The following MYO18A variants were observed in gnomAD, a reference collection of about 807,000 sequenced individuals.
The protein encoded by MYO18A is myosin XVIIIA.
Under a neutral mutation model 235.8 loss-of-function variants are expected in MYO18A, and 78 were observed. That is an observed-to-expected ratio of 0.33 (90% CI 0.28 to 0.40). MYO18A has a LOEUF of 0.40. MYO18A is among the 10% of genes least tolerant of loss of function. The pLI, the probability that MYO18A is intolerant of heterozygous loss-of-function variation, is 1.00. For synonymous variants in MYO18A, 977 were observed against 1,077.8 expected (o/e 0.91, Z 1.83); for missense variants, 2,215 against 2,699.3 (o/e 0.82, Z 3.98).
At chr17:29,108,620 G>C (rs1305344885) in intron 19 of MYO18A, among the ~76,000 whole-genome samples, 1 of 152,222 alleles carries the variant, frequency 6.6e-6, no homozygotes, top group Non-Finnish European at 1.5e-5. Context: ...AGCAATGACG[G>C]GCTAGCTGGC....
In MYO18A at chr17:29,115,897, T is replaced by A. The variant is rs1181400449; in HGVS notation, c.2051-57A>T. 54 of 1,522,988 alleles carry A rather than the reference T, an allele frequency of 3.5e-5. 1 individual carries two copies. Among genetic ancestry groups the A allele is most frequent in the Non-Finnish European group, 4.7e-5 (53 of 1,131,456 alleles). The allele number at this position is 1,522,988 out of a possible 1,614,324, so 94.3% of individuals were successfully genotyped here. On this transcript the variant is annotated intron_variant, in intron 11 of 41. Coordinates refer to ENST00000527372, the MANE Select transcript of MYO18A (RefSeq NM_078471.4). ...GGGTCTTTTTCCTTAGGCCAGCTGA[T>A]GACCTGATGACCAGCTGATGACTAT...
chr17:29,096,556 G>A (rs2066522953), intron 28 of MYO18A, among the ~76,000 whole-genome samples: 2 of 152,200 alleles, frequency 1.3e-5, no homozygotes, highest in Admixed American at 6.5e-5. Context: ...CAGAGGCCTG[G>A]GCAGGCCTTC....
chr17:29,111,785 T>G lies in MYO18A; in HGVS notation c.2677A>C (p.Ser893Arg). 6.2e-7 allele frequency: 1 copy of G among 1,613,828 alleles called. No homozygotes were observed. The highest frequency in any genetic ancestry group is 8.5e-7 in the Non-Finnish European group (1 of 1,179,776). ...LEEEALVPGASEDTLLERLFS... is the reference protein window; with the variant it reads ...LEEEALVPGAREDTLLERLFS... The stretch of plus-strand genomic sequence containing the variant: ...AGGCGCTCCAGGAGGGTGTCCTCAC[T>G]GGCCCCTGGCACCAGAGCCTCCTCT... Residue 893 changes from serine (S) to arginine (R), a missense_variant, in exon 16 of 42, where the codon AGT becomes CGT. Ser to Arg is a moderately radical substitution (Grantham distance 110, BLOSUM62 -1). Coordinates refer to ENST00000527372, the MANE Select transcript of MYO18A (RefSeq NM_078471.4). This position sits in a 1 kb window ranked among gnomAD's most constrained non-coding sequence, Gnocchi z 5.1.
intron 15 of MYO18A, 80 bp downstream of exon 15, chr17:29,113,931 A>T: frequency 8.6e-7 from 1 of 1,164,462 alleles, no homozygotes; most frequent in East Asian, 2.6e-5. Context: ...GCAGCAGCTC[A>T]GATGGGGAGG....
chr17:29,082,358 G>A lies in MYO18A; in HGVS notation c.5978C>T (p.Pro1993Leu), dbSNP rs1283231420. ...VKSWLSKNKG[P>L]SKAASDDGSL... is the part of the protein sequence containing the mutation. ...GCCATCATCAGAAGCTGCCTTGGAA[G>A]GTCCCTTGTTTTTTGACAACCAGGA... The change falls in exon 41 of 42, where the codon CCT becomes CTT. Residue 1993 changes from proline to leucine, a missense_variant. Physicochemically the swap from Pro to Leu is moderately conservative, Grantham distance 98. Transcript: ENST00000527372. 2 of 1,613,972 alleles carry A rather than the reference G, an allele frequency of 1.2e-6. No individual in the cohort carries two copies. The highest frequency in any genetic ancestry group is 1.7e-6 in the Non-Finnish European group (2 of 1,179,878).
chr17:29,139,761 T>C (rs1402329705), intron 2 of MYO18A, among the ~76,000 whole-genome samples: 1 of 152,118 alleles, frequency 6.6e-6, no homozygotes, highest in Non-Finnish European at 1.5e-5. Flanking sequence ...CAACACGCCA[T>C]CTGTGCCCCT....
At chr17:29,150,355 GTGT>G (rs2067940548) in intron 2 of MYO18A, among the ~76,000 whole-genome samples, 1 of 152,248 alleles carries the variant, frequency 6.6e-6, no homozygotes, top group Non-Finnish European at 1.5e-5. Flanking sequence ...GAGTACCTGT[GTGT>G]TACAAAGCTG....
At chr17:29,133,714 C>T (rs1474148183) in intron 2 of MYO18A, 6 of 1,053,784 alleles carry the variant, frequency 5.7e-6, no homozygotes, top group African/African-American at 1.6e-5. Flanking sequence ...CCAAAGCTCC[C>T]TCTCCCACAA....
intron 2 of MYO18A, among the ~76,000 whole-genome samples, chr17:29,143,928 G>A (rs2152932331): frequency 6.6e-6 from 1 of 152,276 alleles, no homozygotes; most frequent in African/African-American, 2.4e-5. Context: ...GCCCCTCTTA[G>A]GCACCACCAT....
intron 7 of MYO18A, 50 bp from the exon 8 acceptor site, chr17:29,119,485 T>C (rs780314840): frequency 7.1e-7 from 1 of 1,414,736 alleles, no homozygotes; most frequent in Admixed American, 2.0e-5. Context: ...CCAGATCAAG[T>C]TTCTCCCACC....
At chr17:29,155,016 G>A (rs1217553780) in intron 2 of MYO18A, among the ~76,000 whole-genome samples, 2 of 152,192 alleles carry the variant, frequency 1.3e-5, no homozygotes, top group African/African-American at 4.8e-5. Context: ...CCCTTGATGT[G>A]TTGGGGCCGG....
intron 2 of MYO18A, among the ~76,000 whole-genome samples, chr17:29,135,042 G>A (rs1204715956): frequency 6.6e-6 from 1 of 152,050 alleles, no homozygotes; most frequent in Non-Finnish European, 1.5e-5. Context: ...CTCAGTCCAG[G>A]GAGAGGCTGC....
chr17:29,179,377 A>C (rs1223649254), intron 1 of MYO18A, among the ~76,000 whole-genome samples: 2 of 146,466 alleles, frequency 1.4e-5, no homozygotes, highest in African/African-American at 5.1e-5. Context: ...ACAAAGCCCC[A>C]ATGCCTGGCC....
intron 36 of MYO18A, 57 bp from the exon 37 acceptor site, chr17:29,090,155 G>T: frequency 6.4e-7 from 1 of 1,562,370 alleles, no homozygotes; most frequent in Admixed American, 1.9e-5. Flanking sequence ...GGAGGAGACT[G>T]CGTCTGGGGC....
chr17:29,117,517 C>CTT lies in MYO18A; in HGVS notation c.2038+527_2038+528insAA, dbSNP rs939983096. 3.3e-5 allele frequency among the ~76,000 whole-genome samples: 5 copies of CTT among 152,080 alleles called. No homozygotes were observed. The highest frequency in any genetic ancestry group is 1.2e-4 in the African/African-American group (5 of 41,392). On this transcript the variant is annotated intron_variant, in intron 10 of 41. Transcript: ENST00000527372. The surrounding 1 kb of genome is among the most constrained non-coding windows in gnomAD (Gnocchi z 4.6). ...AGGAGAAGCAGCTACTCCTGGGACT[C>CTT]TAAGACACCCCACAGCCTGCAGGCT...
intron 21 of MYO18A, among the ~76,000 whole-genome samples, chr17:29,102,414 A>G (rs1568064736): frequency 6.6e-6 from 1 of 152,208 alleles, no homozygotes; most frequent in African/African-American, 2.4e-5. Context: ...TCCTGACAGC[A>G]GATAGCCCTA....
Position 29,165,931 on chromosome 17 carries a change from G to A in MYO18A, c.999+11C>T, listed in dbSNP as rs753031754. 1 of 1,607,348 alleles carries A rather than the reference G, an allele frequency of 6.2e-7. No individual in the cohort carries two copies. Among genetic ancestry groups the A allele is most frequent in the East Asian group, 2.2e-5 (1 of 44,820 alleles). ...TCCCTGCTTAGCCCAGGTGCCCAGG[G>A]AAGCACTCACATCGGATGGCTCCCT... On this transcript the variant is annotated intron_variant, in intron 2 of 41. Coordinates refer to ENST00000527372, the MANE Select transcript of MYO18A (RefSeq NM_078471.4).
intron 21 of MYO18A, among the ~76,000 whole-genome samples, chr17:29,101,377 C>T (rs530183027): frequency 3.3e-5 from 5 of 152,076 alleles, no homozygotes; most frequent in Admixed American, 2.6e-4. Context: ...GCAATCTCTG[C>T]TTACTGCAAC....
rs2066385489 is a variant in MYO18A at position 29,091,013 on chromosome 17, A to G, written c.5188-87T>C. ...GCCTCCAATGGCAGGGGCATTGTAGAGAAGATGATAATGGGCTGAGCCTGC... is the reference window on the plus strand; with the variant it reads ...GCCTCCAATGGCAGGGGCATTGTAGGGAAGATGATAATGGGCTGAGCCTGC... On this transcript the variant is annotated intron_variant, in intron 34 of 41. Transcript: ENST00000527372. The G allele has an allele frequency of 1.0e-5, 11 of 1,077,810 alleles. No homozygotes were observed. In the South Asian group the frequency reaches 1.5e-4, roughly 15 times the overall value. 66.8% of individuals were successfully genotyped at this position (1,077,810 alleles called of 1,614,324 possible).
Sources: allele counts gnomAD v4.1 joint callset (sites outside exome capture counted in the v4.1 genomes callset), GRCh38; gene constraint gnomAD v4.1.1; non-coding constraint Gnocchi (gnomAD v3.1); transcripts MANE v1.5; gene names NCBI Gene and HGNC (gene_info 2026-07-23, HGNC 2026-07-21).